LPGAT1: variants seen among roughly 807,000 people sequenced by gnomAD.
LPGAT1 encodes the protein lysophosphatidylglycerol acyltransferase 1.
Under a neutral mutation model 47.5 loss-of-function variants are expected in LPGAT1, and 11 were observed. The observed-to-expected ratio is 0.23, with a 90% CI of 0.15 to 0.38. The LOEUF (loss-of-function observed/expected upper bound fraction) is 0.38, where lower values mean the gene tolerates loss of function less well. Among genes scored for constraint, LPGAT1 ranks in the 10% least tolerant of loss-of-function variants. LPGAT1 has a pLI of 1.00. For synonymous variants in LPGAT1, 138 were observed against 144.2 expected, an observed-to-expected ratio of 0.96 and a Z score of 0.31; for missense variants, 293 against 439.0, an observed-to-expected ratio of 0.67 and a Z score of 2.97.
intron 2 of LPGAT1, among the ~76,000 whole-genome samples, chr1:211,807,418 T>C (rs894774932): frequency 3.3e-5 from 5 of 152,012 alleles, no homozygotes; most frequent in African/African-American, 1.2e-4. Flanking sequence ...TTTTAAAATG[T>C]ATATAGAAAA....
At chr1:211,777,185 A>G (rs775872765) in intron 6 of LPGAT1, among the ~76,000 whole-genome samples, 2 of 152,150 alleles carry the variant, frequency 1.3e-5, no homozygotes, top group African/African-American at 2.4e-5. Context: ...GATAGACACT[A>G]TTCCTGGGAG....
intron 5 of LPGAT1, among the ~76,000 whole-genome samples, chr1:211,779,853 A>AAAATAAAT (rs56183480): frequency 6.9e-5 from 10 of 145,110 alleles, no homozygotes; most frequent in Non-Finnish European, 1.4e-4. Context: ...ACTCCGTCTC[A>AAAATAAAT]AAATAAATAA....
intron 2 of LPGAT1, among the ~76,000 whole-genome samples, chr1:211,803,342 G>C (rs1256995812): frequency 1.3e-5 from 2 of 152,182 alleles, no homozygotes; most frequent in Non-Finnish European, 2.9e-5. Context: ...AAGGAGACAG[G>C]CAAAAAGGAT....
chr1:211,797,812 A>G (rs1054236278), intron 2 of LPGAT1, among the ~76,000 whole-genome samples: 2 of 152,236 alleles, frequency 1.3e-5, no homozygotes, highest in East Asian at 1.9e-4. Context: ...TGAATTCTCA[A>G]AAAAGAATTG....
intron 6 of LPGAT1, among the ~76,000 whole-genome samples, chr1:211,772,904 A>C (rs1469109049): frequency 6.6e-6 from 1 of 152,240 alleles, no homozygotes; most frequent in Non-Finnish European, 1.5e-5. Context: ...CCAAAATGAT[A>C]TATTAATCAA....
chr1:211,823,028 A>T (rs928170542), intron 2 of LPGAT1, among the ~76,000 whole-genome samples: 1 of 152,222 alleles, frequency 6.6e-6, no homozygotes, highest in African/African-American at 2.4e-5. Flanking sequence ...AAAGAGTTGC[A>T]TCTTCAGAAA....
At chr1:211,765,944 T>C (rs895453831) in intron 6 of LPGAT1, among the ~76,000 whole-genome samples, 1 of 152,058 alleles carries the variant, frequency 6.6e-6, no homozygotes, top group African/African-American at 2.4e-5. Flanking sequence ...CCCCGCAATG[T>C]GGGAAGGCAA....
chr1:211,804,372 T>C (rs1156913482), intron 2 of LPGAT1, among the ~76,000 whole-genome samples: 2 of 152,132 alleles, frequency 1.3e-5, no homozygotes, highest in Non-Finnish European at 2.9e-5. Flanking sequence ...TAAAATATTA[T>C]TTTAAATAGG....
intron 4 of LPGAT1, among the ~76,000 whole-genome samples, chr1:211,785,858 C>T (rs1007605306): frequency 6.6e-6 from 1 of 152,042 alleles, no homozygotes; most frequent in South Asian, 2.1e-4. Flanking sequence ...CTGTCCACCT[C>T]GGCCTCCCAA....
In LPGAT1 at chr1:211,815,337, G is replaced by A. The variant is rs530070111; in HGVS notation, c.238+13722C>T. On this transcript the variant is annotated intron_variant, in intron 2 of 7. Coordinates refer to ENST00000366997, the MANE Select transcript of LPGAT1 (RefSeq NM_014873.3). Reference sequence around the variant, plus strand: ...CACCAGAAACCTCAGGGGCATCCCTGTCACCTCTCTCTCTACCTCATCCTC... The same window carrying A: ...CACCAGAAACCTCAGGGGCATCCCTATCACCTCTCTCTCTACCTCATCCTC... 3.3e-4 allele frequency among the ~76,000 whole-genome samples: 50 copies of A among 152,192 alleles called. No homozygotes were observed. In the South Asian group the frequency reaches 0.01, roughly 31 times the overall value.
chr1:211,767,363 T>C (rs2102512148), intron 6 of LPGAT1, among the ~76,000 whole-genome samples: 1 of 152,310 alleles, frequency 6.6e-6, no homozygotes, highest in East Asian at 1.9e-4. Context: ...CTCGAACTCC[T>C]GACCTCAAGT....
intron 6 of LPGAT1, among the ~76,000 whole-genome samples, chr1:211,762,267 C>T (rs528930204): frequency 2.0e-5 from 3 of 151,926 alleles, no homozygotes; most frequent in Non-Finnish European, 4.4e-5. Context: ...TGAATTAAAC[C>T]GAGGAAGTTT....
intron 6 of LPGAT1, among the ~76,000 whole-genome samples, chr1:211,762,687 A>C (rs1657748677): frequency 6.6e-6 from 1 of 152,202 alleles, no homozygotes; most frequent in Non-Finnish European, 1.5e-5. Context: ...TCAAGAAATG[A>C]ACATTCTTAT....
intron 2 of LPGAT1, among the ~76,000 whole-genome samples, chr1:211,801,667 C>A (rs1056292092): frequency 2.7e-5 from 4 of 149,714 alleles, no homozygotes; most frequent in Non-Finnish European, 5.9e-5. Flanking sequence ...ATAATCACGC[C>A]ACTGCACTCC....
chr1:211,785,179 G>A (rs1424969971), intron 4 of LPGAT1, among the ~76,000 whole-genome samples: 1 of 152,144 alleles, frequency 6.6e-6, no homozygotes, highest in African/African-American at 2.4e-5. Context: ...AAAATAATTA[G>A]TATGCTTTCA....
chr1:211,815,557 G>A (rs1660141731), intron 2 of LPGAT1, among the ~76,000 whole-genome samples: 1 of 152,082 alleles, frequency 6.6e-6, no homozygotes, highest in African/African-American at 2.4e-5. Context: ...CTGCAGAGTA[G>A]AATTACAAAT....
intron 2 of LPGAT1, among the ~76,000 whole-genome samples, chr1:211,812,239 A>G (rs1660015357): frequency 6.6e-6 from 1 of 152,258 alleles, no homozygotes; most frequent in South Asian, 2.1e-4. Flanking sequence ...TTTAACAAAA[A>G]GTCTTATCAA....
At position 211,812,947 on chromosome 1, in the gene LPGAT1, T is replaced by C. The variant is rs138296346; in HGVS notation, c.238+16112A>G. Reference sequence around the variant, plus strand: ...TTTCTTTAAGCACTTCTGTAGTAATTTGTTTTGGTAGTCACAGGAAACTAA... The same window carrying C: ...TTTCTTTAAGCACTTCTGTAGTAATCTGTTTTGGTAGTCACAGGAAACTAA... On this transcript the variant is annotated intron_variant, in intron 2 of 7. Transcript: ENST00000366997. Among the ~76,000 whole-genome samples the C allele has an allele frequency of 3.7e-4, 56 of 152,180 alleles. No individual in the cohort carries two copies. The East Asian group carries it at 9.8e-3, about 27-fold the overall frequency.
intron 6 of LPGAT1, among the ~76,000 whole-genome samples, chr1:211,763,590 G>C (rs918120704): frequency 6.6e-6 from 1 of 152,120 alleles, no homozygotes; most frequent in African/African-American, 2.4e-5. Flanking sequence ...ACTTTGTTAA[G>C]TAACATACGT....
Sources: allele counts gnomAD v4.1 joint callset (sites outside exome capture counted in the v4.1 genomes callset), GRCh38; gene constraint gnomAD v4.1.1; transcripts MANE v1.5; gene names NCBI Gene and HGNC (gene_info 2026-07-23, HGNC 2026-07-21).